RPS6KC1: variants seen among roughly 807,000 people sequenced by gnomAD.
The protein encoded by RPS6KC1 is ribosomal protein S6 kinase C1, also known as inactive ribosomal protein S6 kinase delta-1.
RPS6KC1 carries 54 observed loss-of-function variants against 103.8 expected under a neutral mutation model. The ratio of observed to expected loss-of-function variants is 0.52; its 90% CI spans 0.42 to 0.65. RPS6KC1 has a LOEUF of 0.65. Among genes scored for constraint, RPS6KC1 ranks in the 30% least tolerant of loss-of-function variants. RPS6KC1 has a pLI of 0.00. For missense variants in RPS6KC1, 1,151 were observed against 1,253.8 expected, an observed-to-expected ratio of 0.92 and a Z score of 1.24; for synonymous variants, 439 against 438.7, an observed-to-expected ratio of 1.00 and a Z score of -0.01.
At chr1:213,794,448 T>C in the RPS6KC1 span, 1 of 152,148 alleles carries the variant, frequency 6.6e-6, no homozygotes, top group African/African-American at 2.4e-5. Context: ...TTTGGGATTT[T>C]GTCAGCACTG....
chr1:213,232,311 C>A, intron 10 of RPS6KC1, 56 bp downstream of exon 10: 1 of 1,603,358 alleles, frequency 6.2e-7, no homozygotes, highest in Non-Finnish European at 8.5e-7. Flanking sequence ...ACTTAGCTTC[C>A]AGTTTCTCTC....
At chr1:213,439,245 G>C in the RPS6KC1 span, among the ~76,000 whole-genome samples, 1,115 of 152,226 alleles carry the variant, frequency 7.3e-3, 13 homozygotes, top group Non-Finnish European at 9.8e-3. Context: ...AGCACAGAAA[G>C]TCTAGCTCAC....
chr1:213,376,435 G>A, the RPS6KC1 span, among the ~76,000 whole-genome samples: 1 of 151,352 alleles, frequency 6.6e-6, no homozygotes, highest in African/African-American at 2.4e-5. Flanking sequence ...ATGTTGAGGT[G>A]TTAAAAAATT....
intron 6 of RPS6KC1, among the ~76,000 whole-genome samples, chr1:213,137,213 C>A (rs372143203): frequency 2.6e-5 from 4 of 151,948 alleles, no homozygotes; most frequent in East Asian, 1.9e-4. Context: ...GAAGGGGTAT[C>A]ACTCATTTTC....
At chr1:213,622,913 G>C in the RPS6KC1 span, among the ~76,000 whole-genome samples, 2 of 152,232 alleles carry the variant, frequency 1.3e-5, no homozygotes, top group African/African-American at 4.8e-5. Context: ...ACAAAGCCAC[G>C]GCGTGAGTCC....
chr1:213,336,938 C>G, the RPS6KC1 span, among the ~76,000 whole-genome samples: 1 of 152,170 alleles, frequency 6.6e-6, no homozygotes, highest in Non-Finnish European at 1.5e-5. Flanking sequence ...ACAGTGGTAT[C>G]TTTGGCACTG....
chr1:213,848,194 A>G, the RPS6KC1 span, among the ~76,000 whole-genome samples: 16 of 152,204 alleles, frequency 1.1e-4, no homozygotes, highest in African/African-American at 3.9e-4. Context: ...ATACAATTCA[A>G]TGGGTTTTGA....
At chr1:213,432,250 C>G in the RPS6KC1 span, among the ~76,000 whole-genome samples, 1 of 152,188 alleles carries the variant, frequency 6.6e-6, no homozygotes, top group Non-Finnish European at 1.5e-5. Context: ...TGCCTTTTCA[C>G]CCTCTTAATG....
the RPS6KC1 span, among the ~76,000 whole-genome samples, chr1:213,577,132 T>C: frequency 6.6e-6 from 1 of 152,124 alleles, no homozygotes; most frequent in Non-Finnish European, 1.5e-5. Context: ...GGGAGGTAAT[T>C]TAATCATGGG....
the RPS6KC1 span, among the ~76,000 whole-genome samples, chr1:213,654,400 C>T: frequency 6.6e-6 from 1 of 152,166 alleles, no homozygotes. Context: ...AAACTATATT[C>T]ATATCCAATA....
intron 1 of RPS6KC1, among the ~76,000 whole-genome samples, chr1:213,067,842 G>T (rs180811393): frequency 1.3e-5 from 2 of 152,192 alleles, no homozygotes; most frequent in Admixed American, 6.5e-5. Flanking sequence ...ATTGTTAGGG[G>T]ATGGCTAATG....
At chr1:213,679,928 G>A in the RPS6KC1 span, among the ~76,000 whole-genome samples, 1 of 152,190 alleles carries the variant, frequency 6.6e-6, no homozygotes, top group Non-Finnish European at 1.5e-5. Flanking sequence ...AACTTGGCAT[G>A]TAAGACTCCA....
chr1:213,678,376 C>T, the RPS6KC1 span, among the ~76,000 whole-genome samples: 2 of 152,228 alleles, frequency 1.3e-5, no homozygotes, highest in African/African-American at 4.8e-5. Flanking sequence ...ATTCAGGGTC[C>T]TGCTCACAGT....
chr1:213,572,716 T>C, the RPS6KC1 span, among the ~76,000 whole-genome samples: 1 of 152,188 alleles, frequency 6.6e-6, no homozygotes, highest in African/African-American at 2.4e-5. Context: ...ATCAAAGAAT[T>C]GGGGCCGTTG....
the RPS6KC1 span, among the ~76,000 whole-genome samples, chr1:213,566,397 A>G: frequency 7.6e-6 from 1 of 132,094 alleles, no homozygotes; most frequent in Non-Finnish European, 1.6e-5. Context: ...GGTCTCATAA[A>G]GTTACTTCTT....
the RPS6KC1 span, among the ~76,000 whole-genome samples, chr1:213,532,214 C>G: frequency 6.6e-6 from 1 of 152,152 alleles, no homozygotes; most frequent in African/African-American, 2.4e-5. Flanking sequence ...AGCAGATGGG[C>G]AGAAGGGGTG....
the RPS6KC1 span, among the ~76,000 whole-genome samples, chr1:213,515,514 A>C: frequency 6.6e-6 from 1 of 152,092 alleles, no homozygotes; most frequent in South Asian, 2.1e-4. Context: ...TGTTTTTGTC[A>C]GGTTTGTCAA....
the RPS6KC1 span, among the ~76,000 whole-genome samples, chr1:213,482,253 T>C: frequency 1.3e-5 from 2 of 152,182 alleles, no homozygotes; most frequent in South Asian, 2.1e-4. Context: ...TTATTTTTCC[T>C]CTCTTTTGAT....
the RPS6KC1 span, among the ~76,000 whole-genome samples, chr1:213,450,161 G>A: frequency 6.6e-6 from 1 of 152,066 alleles, no homozygotes; most frequent in Admixed American, 6.5e-5. Flanking sequence ...AGGTACATAG[G>A]ACAGCACCTG....
Sources: allele counts gnomAD v4.1 joint callset (sites outside exome capture counted in the v4.1 genomes callset), GRCh38; gene constraint gnomAD v4.1.1; transcripts MANE v1.5; gene names NCBI Gene and HGNC (gene_info 2026-07-23, HGNC 2026-07-21).